The following ZBTB20 variants were observed in gnomAD, a reference collection of about 807,000 sequenced individuals.
The protein encoded by ZBTB20 is zinc finger and BTB domain-containing protein 20.
ZBTB20 carries 9 observed loss-of-function variants against 56.9 expected under a neutral mutation model. The observed-to-expected ratio is 0.16, with a 90% CI of 0.10 to 0.28. The LOEUF (loss-of-function observed/expected upper bound fraction) is 0.28. Ranked by LOEUF, ZBTB20 falls within the 10% of genes least tolerant of loss-of-function variation. The pLI is 1.00. For missense variants in ZBTB20, 655 were observed against 1,003.0 expected (o/e 0.65, Z 4.69); for synonymous variants, 417 against 420.7 (o/e 0.99, Z 0.11).
chr3:114,405,824 G>A (rs1398171944), intron 7 of ZBTB20, among the ~76,000 whole-genome samples: 1 of 152,090 alleles, frequency 6.6e-6, no homozygotes, highest in African/African-American at 2.4e-5. Context: ...AATCTGGGTA[G>A]GCTGCATTTG....
chr3:114,445,817 C>T (rs2091233418), intron 7 of ZBTB20, among the ~76,000 whole-genome samples: 1 of 152,068 alleles, frequency 6.6e-6, no homozygotes, highest in South Asian at 2.1e-4. Context: ...ATATGGTTTA[C>T]ATTTATGTAT....
chr3:115,014,840 A>G (rs2079878539), intron 2 of ZBTB20, among the ~76,000 whole-genome samples: 1 of 151,776 alleles, frequency 6.6e-6, no homozygotes, highest in Non-Finnish European at 1.5e-5. Flanking sequence ...ACACTAGCTT[A>G]AGCAACATGT....
chr3:114,979,122 C>T (rs2078228411), intron 2 of ZBTB20, among the ~76,000 whole-genome samples: 1 of 151,908 alleles, frequency 6.6e-6, no homozygotes, highest in African/African-American at 2.4e-5. Context: ...AGGTTCCTAG[C>T]AACCAAATTT....
chr3:114,936,706 T>A (rs2076547059), intron 3 of ZBTB20, among the ~76,000 whole-genome samples: 1 of 152,112 alleles, frequency 6.6e-6, no homozygotes, highest in South Asian at 2.1e-4. Flanking sequence ...ACCTATCAGA[T>A]CAGTTAAAGT....
chr3:115,095,847 A>G (rs2083362180), intron 1 of ZBTB20, among the ~76,000 whole-genome samples: 1 of 152,230 alleles, frequency 6.6e-6, no homozygotes, highest in African/African-American at 2.4e-5. Flanking sequence ...AATATCTAAG[A>G]TATGTATATT....
At chr3:114,567,221 AGTGT>A (rs1455654593) in intron 6 of ZBTB20, among the ~76,000 whole-genome samples, 1 of 151,944 alleles carries the variant, frequency 6.6e-6, no homozygotes, top group Non-Finnish European at 1.5e-5. Context: ...TCTTTTTCTT[AGTGT>A]GATGGTTGCA....
intron 6 of ZBTB20, among the ~76,000 whole-genome samples, chr3:114,586,396 A>C (rs996591981): frequency 1.3e-5 from 2 of 152,238 alleles, no homozygotes; most frequent in African/African-American, 4.8e-5. Flanking sequence ...CTCTGGGATC[A>C]TATATCAAGG....
At chr3:114,503,633 G>A (rs1046982432) in intron 6 of ZBTB20, among the ~76,000 whole-genome samples, 2 of 152,102 alleles carry the variant, frequency 1.3e-5, no homozygotes, top group Middle Eastern at 6.8e-3. Context: ...AGCACACTTT[G>A]TTCAAAGCAT....
intron 2 of ZBTB20, among the ~76,000 whole-genome samples, chr3:115,035,584 G>T (rs1452298820): frequency 5.4e-5 from 8 of 148,392 alleles, no homozygotes; most frequent in Non-Finnish European, 1.2e-4. Flanking sequence ...ACAAGTTTTA[G>T]TGAGGATATG....
At chr3:115,046,393 A>AATGTGGC (rs1264806631) in intron 2 of ZBTB20, among the ~76,000 whole-genome samples, 1 of 152,160 alleles carries the variant, frequency 6.6e-6, no homozygotes, top group Non-Finnish European at 1.5e-5. Flanking sequence ...TGGGCTTAAT[A>AATGTGGC]ATGTGGCATC....
At chr3:114,351,978 T>C in intron 10 of ZBTB20, 100 bp from the exon 11 acceptor site, 4 of 1,435,010 alleles carry the variant, frequency 2.8e-6, no homozygotes, top group Non-Finnish European at 2.8e-6. Flanking sequence ...TCATGGCTCC[T>C]AGAAGCACTG....
At chr3:114,616,390 G>A (rs968548157) in intron 6 of ZBTB20, among the ~76,000 whole-genome samples, 5 of 152,136 alleles carry the variant, frequency 3.3e-5, no homozygotes, top group Non-Finnish European at 4.4e-5. Flanking sequence ...CATTCCCTCT[G>A]TTAGCATTAT....
chr3:114,428,818 T>C (rs1400338977), intron 7 of ZBTB20, among the ~76,000 whole-genome samples: 3 of 152,190 alleles, frequency 2.0e-5, no homozygotes, highest in Non-Finnish European at 4.4e-5. Flanking sequence ...TTTTTTACCT[T>C]AGTGATCTTT....
At chr3:115,004,012 T>C (rs1029630118) in intron 2 of ZBTB20, among the ~76,000 whole-genome samples, 2 of 151,700 alleles carry the variant, frequency 1.3e-5, no homozygotes, top group Non-Finnish European at 2.9e-5. Context: ...TCTAGGAATA[T>C]AGTCATTTTA....
chr3:114,390,663 A>G (rs1467187368), intron 7 of ZBTB20, among the ~76,000 whole-genome samples: 1 of 152,162 alleles, frequency 6.6e-6, no homozygotes, highest in African/African-American at 2.4e-5. Flanking sequence ...CCACATTGCT[A>G]TCTTTAGTTC....
rs137914062 is a variant in ZBTB20 at position 114,702,665 on chromosome 3, TTG to T, written c.-342-9092_-342-9091del. Among the ~76,000 whole-genome samples, 113 of 146,044 alleles carry T rather than the reference TTG, an allele frequency of 7.7e-4. 1 individual carries two copies. The highest frequency in any genetic ancestry group is 1.3e-3 in the South Asian group (6 of 4,588). On this transcript the variant is annotated intron_variant, in intron 5 of 11. Transcript: ENST00000675478. Reference sequence around the variant, plus strand: ...ATGGGACATAGTGCTTTAGTCTAAATTGTGTGTGTGTGTGTGTGTGTGTGTAT... The same window carrying T: ...ATGGGACATAGTGCTTTAGTCTAAATTGTGTGTGTGTGTGTGTGTGTGTAT...
intron 5 of ZBTB20, among the ~76,000 whole-genome samples, chr3:114,697,097 GA>G (rs34992420): frequency 0.85 from 116,994 of 137,298 alleles, 50,844 homozygotes; most frequent in Non-Finnish European, 0.96. Flanking sequence ...GAGAAAAAAA[GA>G]AAAAAAAAAA....
At chr3:115,105,875 T>C (rs1466117976) in intron 1 of ZBTB20, among the ~76,000 whole-genome samples, 1 of 152,154 alleles carries the variant, frequency 6.6e-6, no homozygotes, top group African/African-American at 2.4e-5. Flanking sequence ...TGGAGTGCAG[T>C]GGTGCAATCT....
intron 4 of ZBTB20, among the ~76,000 whole-genome samples, chr3:114,837,181 C>G (rs555061220): frequency 6.6e-6 from 1 of 152,298 alleles, no homozygotes; most frequent in African/African-American, 2.4e-5. Context: ...ATAGCCAAAG[C>G]ATCCCCAATT....
Sources: allele counts gnomAD v4.1 joint callset (sites outside exome capture counted in the v4.1 genomes callset), GRCh38; gene constraint gnomAD v4.1.1; transcripts MANE v1.5; gene names NCBI Gene and HGNC (gene_info 2026-07-23, HGNC 2026-07-21).